Variants in BCAS3 observed in about 807,000 individuals in gnomAD.
BCAS3 encodes the protein BCAS3 microtubule associated cell migration factor.
In BCAS3, 53 loss-of-function variants were observed where a neutral mutation model predicts 116.1. The observed-to-expected ratio is 0.46, with a 90% CI of 0.37 to 0.57. The LOEUF (loss-of-function observed/expected upper bound fraction) is 0.57. Ranked by LOEUF, BCAS3 falls within the 20% of genes least tolerant of loss-of-function variation. BCAS3 has a pLI of 0.00. For synonymous variants in BCAS3, 391 were observed against 408.2 expected (o/e 0.96, Z 0.51); for missense variants, 917 against 1,165.4 (o/e 0.79, Z 3.10).
At chr17:60,959,246 G>A (rs2061298109) in intron 14 of BCAS3, among the ~76,000 whole-genome samples, 1 of 152,000 alleles carries the variant, frequency 6.6e-6, no homozygotes, top group South Asian at 2.1e-4. Context: ...GGTCAAGACT[G>A]CAGTGAGTCA....
intron 22 of BCAS3, among the ~76,000 whole-genome samples, chr17:61,319,237 G>A (rs566989010): frequency 6.6e-6 from 1 of 152,188 alleles, no homozygotes; most frequent in African/African-American, 2.4e-5. Context: ...ACAATATGTA[G>A]AGAGCTCAGG....
chr17:60,997,950 A>G (rs1397111431), intron 15 of BCAS3, among the ~76,000 whole-genome samples: 4 of 152,164 alleles, frequency 2.6e-5, no homozygotes, highest in Non-Finnish European at 2.9e-5. Flanking sequence ...CGTCACCCAC[A>G]TAGTGAACAT....
intron 15 of BCAS3, among the ~76,000 whole-genome samples, chr17:61,010,729 C>T (rs1275526980): frequency 6.6e-6 from 1 of 151,980 alleles, no homozygotes; most frequent in East Asian, 1.9e-4. Context: ...CCTGCTTTAA[C>T]TTATTGAGAA....
chr17:60,845,084 G>A (rs1333208918), intron 7 of BCAS3, among the ~76,000 whole-genome samples: 1 of 152,150 alleles, frequency 6.6e-6, no homozygotes, highest in Admixed American at 6.5e-5. Flanking sequence ...ACAAAAATTA[G>A]ATGGGCCCGG....
chr17:61,270,332 A>G (rs540303073), intron 22 of BCAS3, among the ~76,000 whole-genome samples: 391 of 151,890 alleles, frequency 2.6e-3, no homozygotes, highest in Admixed American at 6.0e-3. Flanking sequence ...CATGTTGGCC[A>G]GGCTGGTCTC....
chr17:60,758,884 G>A (rs2043239150), intron 6 of BCAS3, among the ~76,000 whole-genome samples: 1 of 151,804 alleles, frequency 6.6e-6, no homozygotes, highest in Non-Finnish European at 1.5e-5. Context: ...CCCAGTGGTT[G>A]TTCAGGAGTA....
At chr17:61,096,816 A>G (rs537063981) in intron 22 of BCAS3, among the ~76,000 whole-genome samples, 1 of 152,248 alleles carries the variant, frequency 6.6e-6, no homozygotes, top group Non-Finnish European at 1.5e-5. Flanking sequence ...ACTATGAAGT[A>G]TAATGACAAT....
chr17:61,187,135 A>G (rs544898117), intron 22 of BCAS3, among the ~76,000 whole-genome samples: 1 of 152,316 alleles, frequency 6.6e-6, no homozygotes, highest in South Asian at 2.1e-4. Flanking sequence ...TCTACATGTT[A>G]TTTTTATTGA....
In BCAS3 at chr17:61,377,815, C is replaced by G. The variant is rs1249991196; in HGVS notation, c.2593+9321C>G. The G allele has an allele frequency of 6.6e-6, 1 of 152,238 alleles. No individual in the cohort carries two copies. Among genetic ancestry groups the G allele is most frequent in the Non-Finnish European group, 1.5e-5 (1 of 68,046 alleles). The allele number at this position is 152,238 out of a possible 1,614,324, so 9.4% of individuals were successfully genotyped here. A position where few individuals can be genotyped will look rare whatever the true frequency, so the allele number is the denominator to read the frequency against. Reference sequence around the variant, plus strand: ...CAGAGCACTGCCAGGTAGACCTTCCCCTCTCCAGTTTACAAAGGAGGAAAC... The same window carrying G: ...CAGAGCACTGCCAGGTAGACCTTCCGCTCTCCAGTTTACAAAGGAGGAAAC... On this transcript the variant is annotated intron_variant, in intron 23 of 23. Coordinates refer to ENST00000407086, the MANE Select transcript of BCAS3 (RefSeq NM_017679.5). The surrounding 1 kb of genome is among the most constrained non-coding windows in gnomAD (Gnocchi z 4.6).
chr17:60,845,763 C>CT (rs2052460288), intron 7 of BCAS3, among the ~76,000 whole-genome samples: 1 of 148,608 alleles, frequency 6.7e-6, no homozygotes, highest in Non-Finnish European at 1.5e-5. Context: ...CTTTCTACTT[C>CT]TTTCTTTCTC....
rs569306186 is a variant in BCAS3, at chr17:60,755,997, A to G, written c.403+8718A>G. On this transcript the variant is annotated intron_variant, in intron 6 of 23. Coordinates refer to ENST00000407086, the MANE Select transcript of BCAS3 (RefSeq NM_017679.5). Reference sequence around the variant, plus strand: ...TGAAATATATAATACATTGTTGCTAACTATAGTCATCCTACTCTGCTATTG... The same window carrying G: ...TGAAATATATAATACATTGTTGCTAGCTATAGTCATCCTACTCTGCTATTG... 2.6e-5 allele frequency among the ~76,000 whole-genome samples: 4 copies of G among 152,262 alleles called. No individual in the cohort carries two copies. The South Asian group carries it at 8.3e-4, about 32-fold the overall frequency.
intron 22 of BCAS3, among the ~76,000 whole-genome samples, chr17:61,301,624 C>T (rs1412142406): frequency 1.3e-5 from 2 of 152,114 alleles, no homozygotes; most frequent in African/African-American, 4.8e-5. Flanking sequence ...GTGAGAGACT[C>T]TGTCTCAAAA....
intron 22 of BCAS3, among the ~76,000 whole-genome samples, chr17:61,177,821 T>C (rs2079233723): frequency 6.6e-6 from 1 of 152,206 alleles, no homozygotes; most frequent in Non-Finnish European, 1.5e-5. Flanking sequence ...GTAGGTCTTT[T>C]AAGTGGAAGT....
intron 22 of BCAS3, among the ~76,000 whole-genome samples, chr17:61,274,815 G>A (rs1482823817): frequency 1.3e-5 from 2 of 152,232 alleles, no homozygotes; most frequent in East Asian, 1.9e-4. Context: ...TGTTTCTATT[G>A]CTAGGAAACA....
chr17:60,873,173 A>G (rs1417588954), intron 8 of BCAS3, among the ~76,000 whole-genome samples: 7 of 152,156 alleles, frequency 4.6e-5, no homozygotes, highest in Non-Finnish European at 1.0e-4. Context: ...TTCAGAGTAC[A>G]CATACACATA....
rs777978514 is a variant in BCAS3, at chr17:61,239,792, A to G, written c.2426-128535A>G. 6.6e-6 allele frequency among the ~76,000 whole-genome samples: 1 copy of G among 152,258 alleles called. No homozygotes were observed. The highest frequency in any genetic ancestry group is 2.4e-5 in the African/African-American group (1 of 41,468). ...TATTCTGGAGTTGATACCAGTTGGA[A>G]TAGTAAAGACCAAAGGAGAAATTGT... On this transcript the variant is annotated intron_variant, in intron 22 of 23. Coordinates refer to ENST00000407086, the MANE Select transcript of BCAS3 (RefSeq NM_017679.5). This position sits in a 1 kb window ranked among gnomAD's most constrained non-coding sequence, Gnocchi z 4.2.
In BCAS3 at chr17:61,375,246, G is replaced by GTGTGTGTGTGTGCGCGCGCGCACA. The variant is rs150061118; in HGVS notation, c.2593+6761_2593+6762insGTGCGCGCGCGCACATGTGTGTGT. On this transcript the variant is annotated intron_variant, in intron 23 of 23. Transcript: ENST00000407086. ...TGTGTGTGTGTGTGTGTGTGTGTGT[G>GTGTGTGTGTGTGCGCGCGCGCACA]TGTGTGTGTACTAATAAAGTCTTTC... is the stretch of plus-strand genomic sequence containing the variant. Among the ~76,000 whole-genome samples, 567 of 150,780 alleles carry GTGTGTGTGTGTGCGCGCGCGCACA rather than the reference G, an allele frequency of 3.8e-3. 7 individuals are homozygous for GTGTGTGTGTGTGCGCGCGCGCACA. The highest frequency in any genetic ancestry group is 0.013 in the African/African-American group (536 of 40,274).
chr17:60,886,362 G>C (rs1350304687), intron 9 of BCAS3: 8 of 147,792 alleles, frequency 5.4e-5, no homozygotes, highest in Admixed American at 4.0e-4. Flanking sequence ...TTTTTTCAAA[G>C]TTTTCAACTT....
intron 22 of BCAS3, among the ~76,000 whole-genome samples, chr17:61,257,420 C>CAAAAAAA (rs35124459): frequency 5.2e-5 from 3 of 57,234 alleles, no homozygotes; most frequent in Admixed American, 2.1e-4. Flanking sequence ...GACTCCATCT[C>CAAAAAAA]AAAAAAAAAA....
Sources: allele counts gnomAD v4.1 joint callset (sites outside exome capture counted in the v4.1 genomes callset), GRCh38; gene constraint gnomAD v4.1.1; non-coding constraint Gnocchi (gnomAD v3.1); transcripts MANE v1.5; gene names NCBI Gene and HGNC (gene_info 2026-07-23, HGNC 2026-07-21).